Variants in GSDMA observed in about 807,000 individuals in gnomAD.
The protein encoded by GSDMA is gasdermin A, also known as gasdermin-A.
A neutral mutation model predicts 54.3 loss-of-function variants in GSDMA; 55 were observed. The ratio of observed to expected loss-of-function variants is 1.01; its 90% CI spans 0.82 to 1.27. The LOEUF is 1.27. GSDMA is among the 50% of genes most tolerant of loss of function. GSDMA has a pLI of 0.00. For synonymous variants in GSDMA, 211 were observed against 224.7 expected (o/e 0.94, Z 0.54); for missense variants, 542 against 542.6 (o/e 1.00, Z 0.01).
At position 39,965,977 on chromosome 17, in the gene GSDMA, T is replaced by A. The variant is rs1979641634; in HGVS notation, c.214+76T>A. 5 of 1,342,326 alleles carry A rather than the reference T, an allele frequency of 3.7e-6. No homozygotes were observed. The Admixed American group carries it at 1.0e-4, about 27-fold the overall frequency. The allele number at this position is 1,342,326 out of a possible 1,614,324, so 83.2% of individuals were successfully genotyped here. On this transcript the variant is annotated intron_variant, in intron 2 of 11. Coordinates refer to ENST00000301659, the MANE Select transcript of GSDMA (RefSeq NM_178171.5). ...GGGCACCTGGCCTGCAAGGAGGACCTCAAAGCTCCCTCTGGCCAGAGGTGA... is the reference window on the plus strand; with the variant it reads ...GGGCACCTGGCCTGCAAGGAGGACCACAAAGCTCCCTCTGGCCAGAGGTGA...
intron 11 of GSDMA, 88 bp downstream of exon 11, chr17:39,976,085 C>G (rs1413405944): frequency 2.3e-6 from 2 of 880,218 alleles, no homozygotes; most frequent in African/African-American, 3.3e-5. Flanking sequence ...TGGAGCCATT[C>G]TGGAGGATCC....
Position 39,971,590 on chromosome 17 carries a change from C to G in GSDMA, c.625C>G (p.Gln209Glu). Reference protein sequence around the residue: ...KGCVLAFRVRQLMVKGKDEWD... With the variant: ...KGCVLAFRVRELMVKGKDEWD... Reference sequence around the variant, plus strand: ...CTGCGTCCTGGCCTTTCGAGTGAGACAGCTGATGGTCAAAGGCAAAGATGA... The same window carrying G: ...CTGCGTCCTGGCCTTTCGAGTGAGAGAGCTGATGGTCAAAGGCAAAGATGA... Residue 209 changes from glutamine to glutamate, a missense_variant, in exon 5 of 12, where the codon CAG becomes GAG. Coordinates refer to ENST00000301659, the MANE Select transcript of GSDMA (RefSeq NM_178171.5). 1 of 1,613,898 alleles carries G rather than the reference C, an allele frequency of 6.2e-7. No individual in the cohort carries two copies. Among genetic ancestry groups the G allele is most frequent in the African/African-American group, 1.3e-5 (1 of 75,042 alleles).
intron 3 of GSDMA, among the ~76,000 whole-genome samples, chr17:39,966,800 C>A (rs1016066349): frequency 3.9e-5 from 6 of 152,322 alleles, no homozygotes; most frequent in Non-Finnish European, 7.4e-5. Flanking sequence ...CTCCTTCTAA[C>A]TCTAAGACTA....
intron 3 of GSDMA, 119 bp from the exon 4 acceptor site, chr17:39,970,363 C>T (rs1568129511): frequency 1.0e-6 from 1 of 959,894 alleles, no homozygotes; most frequent in African/African-American, 1.7e-5. Flanking sequence ...AGTCCAGAGT[C>T]CTCACTCCTT....
In GSDMA at chr17:39,972,506, G is replaced by T. The variant is rs1050233215; in HGVS notation, c.704-81G>T. 4.6e-6 allele frequency: 6 copies of T among 1,311,906 alleles called. No homozygotes were observed. The African/African-American group carries it at 7.2e-5, about 16-fold the overall frequency. The allele number at this position is 1,311,906 out of a possible 1,614,324, so 81.3% of individuals were successfully genotyped here. Reference sequence around the variant, plus strand: ...CTGTGTTTTTATAATGATCACTGATGAAACTGCCTTGAAGACTGTTTTAGA... The same window carrying T: ...CTGTGTTTTTATAATGATCACTGATTAAACTGCCTTGAAGACTGTTTTAGA... On this transcript the variant is annotated intron_variant, in intron 6 of 11. Coordinates refer to ENST00000301659, the MANE Select transcript of GSDMA (RefSeq NM_178171.5).
intron 8 of GSDMA, 134 bp from the exon 9 acceptor site, chr17:39,974,138 TG>T: frequency 2.1e-6 from 2 of 963,364 alleles, no homozygotes; most frequent in Non-Finnish European, 3.0e-6. Flanking sequence ...TAAAGAAAAA[TG>T]GGGCCAGGCT....
intron 11 of GSDMA, 51 bp from the exon 12 acceptor site, chr17:39,976,765 A>G: frequency 9.4e-6 from 15 of 1,603,644 alleles, no homozygotes; most frequent in Non-Finnish European, 1.2e-5. Flanking sequence ...GAGTTAGGAG[A>G]GGAGAGAGGT....
rs746025358 is a variant in GSDMA at position 39,965,696 on chromosome 17, GTT to G, written c.11_12del (p.Phe4Ter). 6.9e-6 allele frequency: 11 copies of G among 1,604,832 alleles called. No individual in the cohort carries two copies. Among genetic ancestry groups the G allele is most frequent in the Non-Finnish European group, 9.4e-6 (11 of 1,175,960 alleles). On this transcript the variant is annotated frameshift_variant, in exon 2 of 12. Coordinates refer to ENST00000301659, the MANE Select transcript of GSDMA (RefSeq NM_178171.5). LOFTEE classifies it high-confidence loss of function. ...CCACCTCCACAGAGACAATGACCATGTTTGAAAATGTCACCCGGGCCCTGGCC... is the reference window on the plus strand; with the variant it reads ...CCACCTCCACAGAGACAATGACCATGTGAAAATGTCACCCGGGCCCTGGCC... MTMFENVTRALARQ... is the reference protein window; with the variant it reads MTMXENVTRALARQ...
At position 39,965,793 on chromosome 17, in the gene GSDMA, T is replaced by G. The variant is rs1979623512; in HGVS notation, c.106T>G (p.Phe36Val). ...CATCGACTTCAAGCGCTTCCATCCC[T>G]TCTGCCTGGTGCTGAGGAAGAGGAA... ...SLIDFKRFHP[F>V]CLVLRKRKST... The change falls in exon 2 of 12, where the codon TTC becomes GTC. Residue 36 changes from phenylalanine to valine, a missense_variant. Transcript: ENST00000301659. 6.2e-7 allele frequency: 1 copy of G among 1,606,166 alleles called. No individual in the cohort carries two copies. Among genetic ancestry groups the G allele is most frequent in the Non-Finnish European group, 8.5e-7 (1 of 1,176,452 alleles).
chr17:39,974,897 CAGCTTGAAGG>C lies in GSDMA; in HGVS notation c.907-2_914del. On this transcript the variant is annotated splice_acceptor_variant and coding_sequence_variant, in exon 10 of 12. Transcript: ENST00000301659. LOFTEE classifies it high-confidence loss of function. The stretch of plus-strand genomic sequence containing the variant: ...TTCAATAGTCGCCCACCTTCCCCCA[CAGCTTGAAGG>C]GGCTCTAGACAAGGGACATGAAGTG... The C allele has an allele frequency of 6.3e-7, 1 of 1,576,358 alleles. No individual in the cohort carries two copies. Among genetic ancestry groups the C allele is most frequent in the South Asian group, 1.1e-5 (1 of 89,400 alleles).
Position 39,974,522 on chromosome 17 carries a change from C to T in GSDMA, c.906+95C>T, listed in dbSNP as rs570098558. The stretch of plus-strand genomic sequence containing the variant: ...TATTGCAGCAGGTAGGGAGATCTGA[C>T]GGGGGCAGGAGGTGGGTGGCCAGGG... On this transcript the variant is annotated intron_variant, in intron 9 of 11. Coordinates refer to ENST00000301659, the MANE Select transcript of GSDMA (RefSeq NM_178171.5). The T allele has an allele frequency of 8.1e-6, 11 of 1,352,148 alleles. No individual in the cohort carries two copies. In the Admixed American group the frequency reaches 9.9e-5, roughly 12 times the overall value. 83.8% of individuals were successfully genotyped at this position (1,352,148 alleles called of 1,614,324 possible).
At chr17:39,963,407 C>A (rs573373432) in intron 1 of GSDMA, among the ~76,000 whole-genome samples, 1 of 151,422 alleles carries the variant, frequency 6.6e-6, no homozygotes, top group South Asian at 2.1e-4. Flanking sequence ...GTGCTTCCTG[C>A]CCCCCCTGCT....
Position 39,974,358 on chromosome 17 carries a change from A to AGCTTCCC in GSDMA, c.837_838insGCTTCCC (p.Ser280AlafsTer23). The AGCTTCCC allele has an allele frequency of 6.2e-7, 1 of 1,604,646 alleles. No individual in the cohort carries two copies. Among genetic ancestry groups the AGCTTCCC allele is most frequent in the African/African-American group, 1.3e-5 (1 of 74,842 alleles). On this transcript the variant is annotated frameshift_variant, in exon 9 of 12. Transcript: ENST00000301659. LOFTEE classifies it high-confidence loss of function. ...TGGAGAAGCTGAGCCGAGTAGGGCA[A>AGCTTCCC]AGCTCCCTGCTCAGCTCCCTCAGCA...
At position 39,977,309 on chromosome 17, in the gene GSDMA, T is replaced by TTA. The variant is rs1980247752; in HGVS notation, c.*251_*252insTA. On this transcript the variant is annotated 3_prime_UTR_variant, in exon 12 of 12. Transcript: ENST00000301659. ...TTTCTTTTCTTTTTTTTTTTTTTTT[T>TTA]GAGATGGAGGCTCACTCTGTCACCC... The TTA allele has an allele frequency of 5.3e-6, 2 of 375,776 alleles. No individual in the cohort carries two copies. Among genetic ancestry groups the TTA allele is most frequent in the African/African-American group, 4.6e-5 (2 of 43,786 alleles). 23.3% of individuals were successfully genotyped at this position (375,776 alleles called of 1,614,324 possible). A position where few individuals can be genotyped will look rare whatever the true frequency, so the allele number is the denominator to read the frequency against.
At chr17:39,965,214 GAGGAAA>G in intron 1 of GSDMA, among the ~76,000 whole-genome samples, 2 of 125,220 alleles carry the variant, frequency 1.6e-5, no homozygotes, top group African/African-American at 6.4e-5. Context: ...AAGAAAGAAA[GAGGAAA>G]GAAAGAAAGA....
At chr17:39,967,686 G>A (rs904478813) in intron 3 of GSDMA, among the ~76,000 whole-genome samples, 1 of 152,018 alleles carries the variant, frequency 6.6e-6, no homozygotes, top group African/African-American at 2.4e-5. Flanking sequence ...TTCTTTTTTT[G>A]TTTGAAACAG....
intron 1 of GSDMA, among the ~76,000 whole-genome samples, chr17:39,965,066 G>A (rs1187649048): frequency 6.6e-6 from 1 of 151,890 alleles, no homozygotes; most frequent in Non-Finnish European, 1.5e-5. Context: ...GCTGCAGTGA[G>A]CTGTGATCAC....
intron 1 of GSDMA, among the ~76,000 whole-genome samples, chr17:39,964,820 C>T (rs1979561766): frequency 1.3e-5 from 2 of 151,962 alleles, no homozygotes; most frequent in African/African-American, 2.4e-5. Flanking sequence ...GAAAGCTTTA[C>T]TTCCATTGCT....
intron 3 of GSDMA, among the ~76,000 whole-genome samples, chr17:39,967,497 T>C (rs1979722570): frequency 6.6e-6 from 1 of 151,964 alleles, no homozygotes; most frequent in Admixed American, 6.6e-5. Context: ...GAAATGCAGG[T>C]GAACCCAAAC....
Sources: gnomAD v4.1 joint callset for allele counts (sites outside exome capture counted in the v4.1 genomes callset) on GRCh38, gnomAD v4.1.1 for gene constraint, MANE v1.5 for transcripts, NCBI Gene and HGNC (gene_info 2026-07-23, HGNC 2026-07-21) for gene names.